Variants in RAB29 observed in about 807,000 individuals in gnomAD.
RAB29 encodes RAB29, member RAS oncogene family, also known as ras-related protein Rab-29.
RAB29 carries 13 observed loss-of-function variants against 25.5 expected under a neutral mutation model. That is an observed-to-expected ratio of 0.51 (90% CI 0.33 to 0.81). The LOEUF (loss-of-function observed/expected upper bound fraction) is 0.81. RAB29 is among the 30% of genes least tolerant of loss of function. The pLI, the probability that RAB29 is intolerant of heterozygous loss-of-function variation, is 0.02. For synonymous variants in RAB29, 88 were observed against 95.0 expected, an observed-to-expected ratio of 0.93 and a Z score of 0.43; for missense variants, 201 against 254.9, an observed-to-expected ratio of 0.79 and a Z score of 1.44.
intron 3 of RAB29, among the ~76,000 whole-genome samples, chr1:205,772,291 A>G (rs928521156): frequency 1.3e-5 from 2 of 152,098 alleles, no homozygotes; most frequent in African/African-American, 2.4e-5. Context: ...CAGCCCCTCC[A>G]TCCACATAGA....
chr1:205,772,632 C>A (rs1655087580), intron 2 of RAB29, 65 bp from the exon 3 acceptor site: 1 of 1,438,562 alleles, frequency 7.0e-7, no homozygotes, highest in Non-Finnish European at 9.8e-7. Flanking sequence ...GGGATAAACT[C>A]AAATCAAATA....
In RAB29 at chr1:205,775,211, C is replaced by T; in HGVS notation, c.-131+62G>A. On this transcript the variant is annotated intron_variant, in intron 1 of 5. Coordinates refer to ENST00000367139, the MANE Select transcript of RAB29 (RefSeq NM_003929.3). ...CCGAGCCCCCGGCTGTTCGCACCTT[C>T]CCCACCCCCTCCTGGCCTGACTGCC... 6 of 466,586 alleles carry T rather than the reference C, an allele frequency of 1.3e-5. No homozygotes were observed. In the South Asian group the frequency reaches 1.4e-4, roughly 11 times the overall value. The allele number at this position is 466,586 out of a possible 1,614,324, so 28.9% of individuals were successfully genotyped here. A position where few individuals can be genotyped will look rare whatever the true frequency, so the allele number is the denominator to read the frequency against.
chr1:205,770,553 G>C (rs1328876229), intron 5 of RAB29, 100 bp from the exon 6 acceptor site: 2 of 1,413,920 alleles, frequency 1.4e-6, no homozygotes, highest in East Asian at 4.8e-5. Context: ...GGTAAAGCCA[G>C]AAGGTTTAAA....
chr1:205,772,929 AG>A (rs1655100714), intron 2 of RAB29, among the ~76,000 whole-genome samples: 1 of 151,878 alleles, frequency 6.6e-6, no homozygotes, highest in Non-Finnish European at 1.5e-5. Flanking sequence ...ATGGGGGAGA[AG>A]GGGGAAATGA....
chr1:205,770,628 A>C, intron 5 of RAB29, 105 bp downstream of exon 5: 3 of 1,555,484 alleles, frequency 1.9e-6, no homozygotes, highest in Non-Finnish European at 1.8e-6. Context: ...CTAGCATTCC[A>C]ATGGCTCAGT....
rs1470400279 is a variant in RAB29, at chr1:205,769,901, T to G, written c.*441A>C. ...TGTTTACATTCCAAGACAGAAAGAA[T>G]CTGAAACAACGGCCTACAAGAAATT... On this transcript the variant is annotated 3_prime_UTR_variant, in exon 6 of 6. Transcript: ENST00000367139. 1 of 205,418 alleles carries G rather than the reference T, an allele frequency of 4.9e-6. No homozygotes were observed. Among genetic ancestry groups the G allele is most frequent in the Admixed American group, 5.3e-5 (1 of 18,712 alleles). The allele number at this position is 205,418 out of a possible 1,614,324, so 12.7% of individuals were successfully genotyped here. A position where few individuals can be genotyped will look rare whatever the true frequency, so the allele number is the denominator to read the frequency against.
chr1:205,770,075 A>G lies in RAB29; in HGVS notation c.*267T>C. ...TCTAATCCTTCTCATAAAATTCCGG[A>G]TCACAAATTGAGGGCTGATGAGAAG... On this transcript the variant is annotated 3_prime_UTR_variant, in exon 6 of 6. Coordinates refer to ENST00000367139, the MANE Select transcript of RAB29 (RefSeq NM_003929.3). The G allele has an allele frequency of 2.0e-6, 1 of 488,926 alleles. No homozygotes were observed. Among genetic ancestry groups the G allele is most frequent in the Non-Finnish European group, 3.7e-6 (1 of 271,746 alleles). The allele number at this position is 488,926 out of a possible 1,614,324, so 30.3% of individuals were successfully genotyped here.
At position 205,768,469 on chromosome 1, in the gene RAB29, T is replaced by C. The variant is rs1418355105; in HGVS notation, c.*1873A>G. ...AGCTCTGAAAACAACAACACATTCCTAGGCTTCATCCCTAGAAATTCTGAT... is the reference window on the plus strand; with the variant it reads ...AGCTCTGAAAACAACAACACATTCCCAGGCTTCATCCCTAGAAATTCTGAT... On this transcript the variant is annotated 3_prime_UTR_variant, in exon 6 of 6. Transcript: ENST00000367139. 7 of 152,062 alleles carry C rather than the reference T, an allele frequency of 4.6e-5. No individual in the cohort carries two copies. Among genetic ancestry groups the C allele is most frequent in the African/African-American group, 7.2e-5 (3 of 41,400 alleles). 9.4% of individuals were successfully genotyped at this position (152,062 alleles called of 1,614,324 possible). A position where few individuals can be genotyped will look rare whatever the true frequency, so the allele number is the denominator to read the frequency against.
chr1:205,773,810 T>A (rs1007165156), intron 2 of RAB29, among the ~76,000 whole-genome samples: 4 of 152,186 alleles, frequency 2.6e-5, no homozygotes, highest in Non-Finnish European at 5.9e-5. Context: ...TGGGCCCTAC[T>A]GGGGGTTCTT....
chr1:205,772,566 C>G lies in RAB29; in HGVS notation c.126G>C (p.Val42=). 1 of 1,612,114 alleles carries G rather than the reference C, an allele frequency of 6.2e-7. No homozygotes were observed. The highest frequency in any genetic ancestry group is 8.5e-7 in the Non-Finnish European group (1 of 1,178,296). The change falls in exon 3 of 6, where the codon GTG becomes GTC. Residue 42 remains valine, a splice_region_variant and synonymous_variant. Transcript: ENST00000367139. ...FSKHYKSTVG[V]DFALKVLQWS... ...ACTGGAGAACCTTCAGAGCAAAATCCACTGAAAATATATGTACATTATACT... is the reference window on the plus strand; with the variant it reads ...ACTGGAGAACCTTCAGAGCAAAATCGACTGAAAATATATGTACATTATACT...
At chr1:205,773,017 A>T (rs1187471087) in intron 2 of RAB29, among the ~76,000 whole-genome samples, 1 of 152,198 alleles carries the variant, frequency 6.6e-6, no homozygotes, top group Non-Finnish European at 1.5e-5. Context: ...TATGAAAAGA[A>T]CACACCCTGG....
intron 4 of RAB29, 24 bp downstream of exon 4, chr1:205,771,448 C>A (rs369853148): frequency 2.5e-6 from 4 of 1,611,268 alleles, no homozygotes; most frequent in African/African-American, 1.3e-5. Context: ...GGCTAGGGAC[C>A]ATTTTCTGAG....
chr1:205,771,979 A>C (rs1655052580), intron 3 of RAB29, among the ~76,000 whole-genome samples: 2 of 138,490 alleles, frequency 1.4e-5, no homozygotes, highest in African/African-American at 2.7e-5. Context: ...AGTTTCCTGC[A>C]CTCCTGTTGC....
rs1037390856 is a variant in RAB29, at chr1:205,770,104, T to G, written c.*238A>C. The G allele has an allele frequency of 1.3e-5, 7 of 557,626 alleles. No individual in the cohort carries two copies. The highest frequency in any genetic ancestry group is 9.3e-5 in the Admixed American group (3 of 32,132). 34.5% of individuals were successfully genotyped at this position (557,626 alleles called of 1,614,324 possible). Reference sequence around the variant, plus strand: ...CAAATTGAGGGCTGATGAGAAGATCTTACACCGAAGGCACTAACTGGCACT... The same window carrying G: ...CAAATTGAGGGCTGATGAGAAGATCGTACACCGAAGGCACTAACTGGCACT... On this transcript the variant is annotated 3_prime_UTR_variant, in exon 6 of 6. Coordinates refer to ENST00000367139, the MANE Select transcript of RAB29 (RefSeq NM_003929.3).
At chr1:205,772,097 TTAA>T (rs1257612960) in intron 3 of RAB29, among the ~76,000 whole-genome samples, 1 of 152,138 alleles carries the variant, frequency 6.6e-6, no homozygotes, top group Non-Finnish European at 1.5e-5. Flanking sequence ...GATGTGAGGA[TTAA>T]TGAGTCAGTG....
At chr1:205,772,115 T>C (rs186078095) in intron 3 of RAB29, among the ~76,000 whole-genome samples, 2 of 152,314 alleles carry the variant, frequency 1.3e-5, no homozygotes, top group African/African-American at 4.8e-5. Context: ...TCAGTGAATT[T>C]AAAATACTTA....
intron 5 of RAB29, 62 bp downstream of exon 5, chr1:205,770,671 G>C (rs569239116): frequency 1.2e-6 from 2 of 1,606,364 alleles, no homozygotes; most frequent in East Asian, 4.5e-5. Flanking sequence ...AAGAAAAGAG[G>C]GTCCACAGGG....
At position 205,775,313 on chromosome 1, in the gene RAB29, C is replaced by T. The variant is rs1259285413; in HGVS notation, c.-171G>A. 1 of 250,844 alleles carries T rather than the reference C, an allele frequency of 4.0e-6. No homozygotes were observed. Among genetic ancestry groups the T allele is most frequent in the Non-Finnish European group, 7.8e-6 (1 of 128,460 alleles). 15.5% of individuals were successfully genotyped at this position (250,844 alleles called of 1,614,324 possible). ...GCGGCTCCAAGTCAGTGACTGAATCCCAGTCAGCTCCTTACACCACTGGGG... is the reference window on the plus strand; with the variant it reads ...GCGGCTCCAAGTCAGTGACTGAATCTCAGTCAGCTCCTTACACCACTGGGG... On this transcript the variant is annotated 5_prime_UTR_variant, in exon 1 of 6. Transcript: ENST00000367139.
In RAB29 at chr1:205,771,517, T is replaced by G; in HGVS notation, c.333A>C (p.Thr111=). ...RWKQDLDSKL[T]LPNGEPVPCL... ...AGGGCACCGGCTCTCCATTGGGTAG[T>G]GTGAGCTTGCTGTCTAGGTCCTGTT... Residue 111 remains threonine (T), a synonymous_variant, in exon 4 of 6, where the codon ACA becomes ACC. Coordinates refer to ENST00000367139, the MANE Select transcript of RAB29 (RefSeq NM_003929.3). 1 of 1,614,220 alleles carries G rather than the reference T, an allele frequency of 6.2e-7. No individual in the cohort carries two copies.
Sources: gnomAD v4.1 joint callset for allele counts (sites outside exome capture counted in the v4.1 genomes callset) on GRCh38, gnomAD v4.1.1 for gene constraint, MANE v1.5 for transcripts, NCBI Gene and HGNC (gene_info 2026-07-23, HGNC 2026-07-21) for gene names.